Variants in COL21A1 observed in about 807,000 individuals in gnomAD.
COL21A1 encodes collagen alpha-1(XXI) chain.
COL21A1 carries 149 observed loss-of-function variants against 137.9 expected under a neutral mutation model. The observed-to-expected ratio is 1.08, with a 90% CI of 0.95 to 1.24. The LOEUF (loss-of-function observed/expected upper bound fraction) is 1.24. Ranked by LOEUF, COL21A1 falls within the 50% of genes most tolerant of loss-of-function variation. The probability of loss-of-function intolerance (pLI) is 0.00; values close to 1 mark genes in which losing one functional copy is unlikely to be tolerated. For missense variants in COL21A1, 1,167 were observed against 1,158.4 expected (o/e 1.01, Z -0.11); for synonymous variants, 456 against 391.5 (o/e 1.16, Z -1.95).
intron 17 of COL21A1, among the ~76,000 whole-genome samples, chr6:56,079,734 G>A (rs1200712565): frequency 6.6e-6 from 1 of 151,388 alleles, no homozygotes. Flanking sequence ...TTTTCTTTTT[G>A]TTCATCCTCT....
chr6:56,063,221 G>T (rs13218367), intron 24 of COL21A1, among the ~76,000 whole-genome samples: 1 of 151,978 alleles, frequency 6.6e-6, no homozygotes, highest in African/African-American at 2.4e-5. Context: ...GAAAAAGTTA[G>T]TGGAAACTTA....
In COL21A1 at chr6:56,226,002, T is replaced by C. The variant is rs1438942039; in HGVS notation, c.-39+21385A>G. 3 of 152,074 alleles carry C rather than the reference T, an allele frequency of 2.0e-5. No homozygotes were observed. In the South Asian group the frequency reaches 6.2e-4, roughly 31 times the overall value. The allele number at this position is 152,074 out of a possible 1,614,324, so 9.4% of individuals were successfully genotyped here. On this transcript the variant is annotated intron_variant, in intron 1 of 29. Coordinates refer to ENST00000244728, the MANE Select transcript of COL21A1 (RefSeq NM_030820.4). ...TTTCTGGAAGTTACAAAGAGTATTA[T>C]GCCTGCATTTCATGATGTCCTTTTC... is the stretch of plus-strand genomic sequence containing the variant.
chr6:56,343,711 C>CA (rs1409641980), intron 1 of COL21A1, among the ~76,000 whole-genome samples: 1 of 152,122 alleles, frequency 6.6e-6, no homozygotes, highest in African/African-American at 2.4e-5. Flanking sequence ...GAAGCCCAGG[C>CA]AGGAGGATCA....
At chr6:56,130,664 A>T (rs1773488094) in intron 12 of COL21A1, among the ~76,000 whole-genome samples, 1 of 152,170 alleles carries the variant, frequency 6.6e-6, no homozygotes, top group African/African-American at 2.4e-5. Flanking sequence ...GACAGAAAAA[A>T]ATACGAGGTC....
At chr6:56,324,846 T>C (rs1764964008) in intron 1 of COL21A1, among the ~76,000 whole-genome samples, 1 of 151,920 alleles carries the variant, frequency 6.6e-6, no homozygotes, top group Non-Finnish European at 1.5e-5. Context: ...CCATCTATCT[T>C]AAAGCGGGTC....
In COL21A1 at chr6:56,084,021, A is replaced by C. The variant is rs567495993; in HGVS notation, c.1813-6448T>G. Among the ~76,000 whole-genome samples, 3 of 152,078 alleles carry C rather than the reference A, an allele frequency of 2.0e-5. No homozygotes were observed. In the South Asian group the frequency reaches 6.2e-4, roughly 31 times the overall value. On this transcript the variant is annotated intron_variant, in intron 17 of 29. Coordinates refer to ENST00000244728, the MANE Select transcript of COL21A1 (RefSeq NM_030820.4). ...TCATGCAATATTTGTGAAAACTCCC[A>C]ATAATCTAGGAATAGAACTAATATT... is the stretch of plus-strand genomic sequence containing the variant.
chr6:56,131,012 G>T (rs1409648231), intron 12 of COL21A1, among the ~76,000 whole-genome samples: 2 of 152,110 alleles, frequency 1.3e-5, no homozygotes, highest in Admixed American at 6.5e-5. Flanking sequence ...GAGCCACTGG[G>T]TCATTTGTTA....
Position 56,305,860 on chromosome 6 carries a change from C to A in COL21A1, c.-39+88111G>T, listed in dbSNP as rs1379541011. Among the ~76,000 whole-genome samples, 3 of 151,908 alleles carry A rather than the reference C, an allele frequency of 2.0e-5. No individual in the cohort carries two copies. In the East Asian group the frequency reaches 5.8e-4, roughly 29 times the overall value. ...GTCTTTACAATTTGGCATGTTTTTG[C>A]AGTGGCTGGTACTGGTTGTTCCTTC... is the stretch of plus-strand genomic sequence containing the variant. On this transcript the variant is annotated intron_variant, in intron 1 of 28. Transcript: ENST00000370819.
intron 17 of COL21A1, 117 bp from the exon 18 acceptor site, chr6:56,077,690 A>T: frequency 1.7e-6 from 1 of 591,946 alleles, no homozygotes; most frequent in Non-Finnish European, 2.9e-6. Flanking sequence ...AAATGTATAC[A>T]TATTATAATA....
At chr6:56,137,998 A>C (rs919184601) in intron 12 of COL21A1, among the ~76,000 whole-genome samples, 1 of 152,186 alleles carries the variant, frequency 6.6e-6, no homozygotes, top group Non-Finnish European at 1.5e-5. Context: ...AGGGAGGGCA[A>C]AGCTAGTGCT....
At chr6:56,363,023 A>G (rs1766010457) in intron 1 of COL21A1, among the ~76,000 whole-genome samples, 1 of 152,168 alleles carries the variant, frequency 6.6e-6, no homozygotes. Flanking sequence ...AAAAGCCAGA[A>G]GAGACAATCA....
intron 5 of COL21A1, 143 bp from the exon 6 acceptor site, chr6:56,168,440 A>G (rs190232232): frequency 3.7e-6 from 2 of 537,102 alleles, no homozygotes; most frequent in East Asian, 3.2e-5. Flanking sequence ...ATTCACCCTG[A>G]TCCAAGGTGG....
chr6:56,123,953 T>C, intron 16 of COL21A1, 109 bp downstream of exon 16: 1 of 898,636 alleles, frequency 1.1e-6, no homozygotes, highest in Non-Finnish European at 1.7e-6. Flanking sequence ...ATGAATTTTA[T>C]CCCAATGCCA....
At chr6:56,261,428 TG>T (rs1763272466) in intron 1 of COL21A1, among the ~76,000 whole-genome samples, 1 of 152,148 alleles carries the variant, frequency 6.6e-6, no homozygotes, top group Non-Finnish European at 1.5e-5. Flanking sequence ...GTAGGGTCTT[TG>T]GGGGGATATT....
Position 56,060,972 on chromosome 6 carries a change from A to T in COL21A1, c.2271T>A (p.Asp757Glu). The change falls in exon 26 of 30, where the codon GAT (aspartate) becomes GAA (glutamate). Residue 757 changes from aspartate to glutamate, a missense_variant. Transcript: ENST00000244728. ...AIGSKGESGV[D>E]GLMGPAGPKG... ...TAGGACCTGCGGGCCCCATCAAGCC[A>T]TCCACCCCAGATTCTCCTTTTGATC... The T allele has an allele frequency of 6.2e-7, 1 of 1,608,210 alleles. No individual in the cohort carries two copies. Among genetic ancestry groups the T allele is most frequent in the South Asian group, 1.1e-5 (1 of 90,458 alleles).
chr6:56,060,397 G>C, intron 27 of COL21A1, 179 bp from the exon 28 acceptor site: 1 of 586,216 alleles, frequency 1.7e-6, no homozygotes, highest in South Asian at 2.7e-5. Context: ...GCTCTGTGCG[G>C]TAATTTTATT....
Position 56,064,577 on chromosome 6 carries a change from C to T in COL21A1, c.2172+1G>A, listed in dbSNP as rs535946712. ...TTTATCAGAAGAAAACCAAAAAATA[C>T]CTGTTGCCCTGGAATTCCCTGTCTT... On this transcript the variant is annotated splice_donor_variant, in intron 24 of 29. Transcript: ENST00000244728. LOFTEE classifies it high-confidence loss of function. 40 of 1,592,656 alleles carry T rather than the reference C, an allele frequency of 2.5e-5. No individual in the cohort carries two copies. The East Asian group carries it at 7.9e-4, about 32-fold the overall frequency.
At chr6:56,283,616 C>A (rs1763833081) in intron 1 of COL21A1, among the ~76,000 whole-genome samples, 1 of 152,108 alleles carries the variant, frequency 6.6e-6, no homozygotes, top group Non-Finnish European at 1.5e-5. Flanking sequence ...GTAATTGGTG[C>A]TCAGTGACGG....
chr6:56,129,092 G>A (rs919966501), intron 12 of COL21A1, among the ~76,000 whole-genome samples: 1 of 152,214 alleles, frequency 6.6e-6, no homozygotes, highest in Non-Finnish European at 1.5e-5. Flanking sequence ...ACACAGAGTT[G>A]AGGAAGGGAT....
Sources: allele counts gnomAD v4.1 joint callset (sites outside exome capture counted in the v4.1 genomes callset), GRCh38; gene constraint gnomAD v4.1.1; transcripts MANE v1.5; gene names NCBI Gene and HGNC (gene_info 2026-07-23, HGNC 2026-07-21).